The following USP28 variants were observed in gnomAD, a reference collection of about 807,000 sequenced individuals.
USP28 encodes ubiquitin carboxyl-terminal hydrolase 28.
Under a neutral mutation model 145.0 loss-of-function variants are expected in USP28, and 113 were observed. The observed-to-expected ratio is 0.78, with a 90% CI of 0.67 to 0.91. USP28 has a LOEUF of 0.91. Among genes scored for constraint, USP28 ranks in the 40% least tolerant of loss-of-function variants. The probability of loss-of-function intolerance (pLI) is 0.00; values close to 1 mark genes in which losing one functional copy is unlikely to be tolerated. For missense variants in USP28, 1,201 were observed against 1,289.6 expected, an observed-to-expected ratio of 0.93 and a Z score of 1.05; for synonymous variants, 447 against 450.9, an observed-to-expected ratio of 0.99 and a Z score of 0.11.
chr11:113,816,346 C>A (rs1941731064), intron 13 of USP28, among the ~76,000 whole-genome samples: 1 of 152,144 alleles, frequency 6.6e-6, no homozygotes, highest in Non-Finnish European at 1.5e-5. Context: ...GAAACCCCAT[C>A]TCTACTAAAA....
rs754109532 is a variant in USP28, at chr11:113,812,262, C to T, written c.1972+14G>A. 1 of 1,605,726 alleles carries T rather than the reference C, an allele frequency of 6.2e-7. No homozygotes were observed. The highest frequency in any genetic ancestry group is 8.5e-7 in the Non-Finnish European group (1 of 1,174,330). On this transcript the variant is annotated intron_variant, in intron 16 of 24. Transcript: ENST00000003302. ...ATTTTCCCCAATCTATAGATTCTGC[C>T]AAGATACTTTTACCTGCATTGAAGT...
At chr11:113,826,100 T>C (rs1943256797) in intron 11 of USP28, among the ~76,000 whole-genome samples, 1 of 151,900 alleles carries the variant, frequency 6.6e-6, no homozygotes, top group African/African-American at 2.4e-5. Flanking sequence ...CTGGCCAACA[T>C]GGTGAAACCC....
chr11:113,808,355 A>C (rs201080403), exon 18 of USP28: 1 of 1,614,114 alleles, frequency 6.2e-7, no homozygotes, highest in African/African-American at 1.3e-5. Flanking sequence ...TGTTTGCAAT[A>C]GCCTGGGCAG....
At chr11:113,825,415 T>TTAGAAAATA (rs1194252733) in intron 11 of USP28, among the ~76,000 whole-genome samples, 1 of 152,220 alleles carries the variant, frequency 6.6e-6, no homozygotes, top group African/African-American at 2.4e-5. Context: ...AATGCAAAAT[T>TTAGAAAATA]GTATAGTCAC....
At chr11:113,817,559 C>T in intron 13 of USP28, 99 bp downstream of exon 13, 1 of 1,364,336 alleles carries the variant, frequency 7.3e-7, no homozygotes, top group East Asian at 2.4e-5. Context: ...AGCTCCTGTG[C>T]TCTTATAGGT....
At chr11:113,799,117 G>A in exon 25 of USP28, 1 of 1,064,164 alleles carries the variant, frequency 9.4e-7, no homozygotes, top group Non-Finnish European at 1.4e-6. Flanking sequence ...CAGCATGGTT[G>A]GGGTCTGATC....
intron 11 of USP28, among the ~76,000 whole-genome samples, chr11:113,826,265 A>C (rs1382516179): frequency 7.0e-6 from 1 of 142,618 alleles, no homozygotes; most frequent in Non-Finnish European, 1.5e-5. Context: ...CCTGGGCAAC[A>C]GAGCAAGACT....
exon 7 of USP28, chr11:113,833,475 G>A (rs749927512): frequency 6.2e-6 from 10 of 1,614,020 alleles, no homozygotes; most frequent in African/African-American, 5.3e-5. Flanking sequence ...GGCTGCAGAC[G>A]GGTCTACAAA....
Position 113,833,556 on chromosome 11 carries a change from T to G in USP28, c.623A>C (p.Glu208Ala), listed in dbSNP as rs762535474. The change falls in exon 7 of 25, where the codon GAA becomes GCA. Residue 208 changes from glutamate (E) to alanine (A), a missense_variant and splice_region_variant. Coordinates refer to ENST00000003302, the Ensembl canonical transcript of USP28. ...TTGCATAAACATGATATTTCTCTTTTCCTGTAGAAAACACAGTACATGTAC... is the reference window on the plus strand; with the variant it reads ...TTGCATAAACATGATATTTCTCTTTGCCTGTAGAAAACACAGTACATGTAC... The G allele has an allele frequency of 2.2e-5, 36 of 1,613,124 alleles. No homozygotes were observed. Among genetic ancestry groups the G allele is most frequent in the Non-Finnish European group, 3.0e-5 (35 of 1,179,744 alleles).
intron 1 of USP28, among the ~76,000 whole-genome samples, chr11:113,863,373 C>T (rs1056684326): frequency 6.6e-6 from 1 of 151,946 alleles, no homozygotes; most frequent in Non-Finnish European, 1.5e-5. Flanking sequence ...AGGCTGGGTG[C>T]GATGGCTCAC....
At position 113,865,711 on chromosome 11, in the gene USP28, C is replaced by A. The variant is rs556020924; in HGVS notation, c.57+9734G>T. 3.3e-5 allele frequency among the ~76,000 whole-genome samples: 5 copies of A among 152,292 alleles called. No individual in the cohort carries two copies. In the East Asian group the frequency reaches 9.6e-4, roughly 29 times the overall value. On this transcript the variant is annotated intron_variant, in intron 1 of 24. Coordinates refer to ENST00000003302, the Ensembl canonical transcript of USP28. ...AAAATTCCTCAAAATGGATCAACAA[C>A]CTAAATAAATAACTAAAACTATAAA...
At chr11:113,874,811 A>T (rs1250168086) in intron 1 of USP28, 1 of 1,078,978 alleles carries the variant, frequency 9.3e-7, no homozygotes, top group South Asian at 2.5e-5. Context: ...CTTCTTAGAC[A>T]TTGGGAACAG....
chr11:113,831,172 G>C (rs1328645411), intron 8 of USP28, among the ~76,000 whole-genome samples: 2 of 152,122 alleles, frequency 1.3e-5, no homozygotes, highest in Admixed American at 1.3e-4. Context: ...CCAATCCCTG[G>C]ACTTAAGGAG....
chr11:113,807,302 G>A (rs1293788415), intron 18 of USP28, among the ~76,000 whole-genome samples: 5 of 152,070 alleles, frequency 3.3e-5, no homozygotes, highest in African/African-American at 4.8e-5. Context: ...TTGAACTCCC[G>A]ACCCGAGGTG....
chr11:113,843,145 T>A (rs1412166368), intron 3 of USP28, among the ~76,000 whole-genome samples: 1 of 151,796 alleles, frequency 6.6e-6, no homozygotes, highest in African/African-American at 2.4e-5. Context: ...GGCAGGAGAA[T>A]CACTTGAACC....
At chr11:113,809,070 T>G in exon 17 of USP28, 1 of 1,613,836 alleles carries the variant, frequency 6.2e-7, no homozygotes, top group Non-Finnish European at 8.5e-7. Context: ...TACCTTGTGA[T>G]GTAGAGTAGT....
intron 1 of USP28, among the ~76,000 whole-genome samples, chr11:113,862,741 A>T (rs1002668975): frequency 6.6e-6 from 1 of 152,160 alleles, no homozygotes; most frequent in African/African-American, 2.4e-5. Context: ...ATAAAAGGAA[A>T]CCAAACAATG....
intron 1 of USP28, among the ~76,000 whole-genome samples, chr11:113,864,661 G>T (rs186560377): frequency 1.3e-5 from 2 of 152,150 alleles, no homozygotes; most frequent in African/African-American, 4.8e-5. Context: ...CAGCATTTTT[G>T]TTCTATTCAG....
chr11:113,808,175 A>G (rs1940346568), intron 18 of USP28, 39 bp from the exon 19 acceptor site: 2 of 1,525,688 alleles, frequency 1.3e-6, no homozygotes, highest in Non-Finnish European at 8.7e-7. Context: ...AAGAAAAAAC[A>G]GGAGAAATAA....
Sources: allele counts gnomAD v4.1 joint callset (sites outside exome capture counted in the v4.1 genomes callset), GRCh38; gene constraint gnomAD v4.1.1; transcripts MANE v1.5; gene names NCBI Gene and HGNC (gene_info 2026-07-23, HGNC 2026-07-21).